TMEM233: variants seen among roughly 807,000 people sequenced by gnomAD.
The protein encoded by TMEM233 is dispanin subfamily B member 2.
In TMEM233, 6 loss-of-function variants were observed where a neutral mutation model predicts 11.2. The observed-to-expected ratio is 0.54, with a 90% CI of 0.29 to 1.06. The LOEUF is 1.06. Among genes scored for constraint, TMEM233 ranks in the 50% least tolerant of loss-of-function variants. The pLI, the probability that TMEM233 is intolerant of heterozygous loss-of-function variation, is 0.08. For missense variants in TMEM233, 127 were observed against 144.7 expected (o/e 0.88, Z 0.63); for synonymous variants, 59 against 55.8 (o/e 1.06, Z -0.26).
At chr12:119,638,352 A>AC (rs1438676871) in intron 2 of TMEM233, among the ~76,000 whole-genome samples, 1 of 152,154 alleles carries the variant, frequency 6.6e-6, no homozygotes, top group Admixed American at 6.5e-5. Context: ...AGTCCCAGCT[A>AC]CTTGGGAGGC....
intron 2 of TMEM233, chr12:119,631,134 T>C (rs1954873517): frequency 6.6e-6 from 1 of 152,290 alleles, no homozygotes; most frequent in African/African-American, 2.4e-5. Context: ...TCTTGCTGTG[T>C]AATTTCTGGT....
At chr12:119,640,052 C>T (rs948393166) in intron 2 of TMEM233, among the ~76,000 whole-genome samples, 2 of 152,212 alleles carry the variant, frequency 1.3e-5, no homozygotes, top group African/African-American at 4.8e-5. Context: ...AGAACTTACA[C>T]CAAACTGCTA....
chr12:119,624,139 C>T (rs2136751339), intron 1 of TMEM233, among the ~76,000 whole-genome samples: 1 of 151,838 alleles, frequency 6.6e-6, no homozygotes, highest in Non-Finnish European at 1.5e-5. Flanking sequence ...TGCTTGAGGT[C>T]AGGAGTTTGA....
At chr12:119,630,555 T>C (rs933828174) in intron 2 of TMEM233, among the ~76,000 whole-genome samples, 1 of 152,234 alleles carries the variant, frequency 6.6e-6, no homozygotes, top group African/African-American at 2.4e-5. Flanking sequence ...GGCGTGGCTG[T>C]GTTCCAATAA....
At chr12:119,637,047 G>A (rs1389761581) in intron 2 of TMEM233, among the ~76,000 whole-genome samples, 1 of 152,122 alleles carries the variant, frequency 6.6e-6, no homozygotes, top group Non-Finnish European at 1.5e-5. Flanking sequence ...CCACACTCTG[G>A]GCTCACATAG....
intron 2 of TMEM233, 22 bp downstream of exon 2, chr12:119,629,894 C>T: frequency 6.5e-7 from 1 of 1,545,116 alleles, no homozygotes; most frequent in Non-Finnish European, 8.7e-7. Context: ...TTTTGAATCC[C>T]TCCCCATGTC....
At chr12:119,621,147 A>C (rs1487501650) in intron 1 of TMEM233, among the ~76,000 whole-genome samples, 4 of 151,350 alleles carry the variant, frequency 2.6e-5, no homozygotes. Flanking sequence ...ACTGGGACTC[A>C]AGCAATCCTC....
intron 1 of TMEM233, among the ~76,000 whole-genome samples, chr12:119,613,642 T>A (rs1954458652): frequency 6.6e-6 from 1 of 151,682 alleles, no homozygotes; most frequent in African/African-American, 2.4e-5. Flanking sequence ...AGCAAGACCC[T>A]GTCTCTACCA....
downstream of TMEM233, among the ~76,000 whole-genome samples, chr12:119,645,686 TC>T (rs112747912): frequency 0.011 from 1,627 of 152,294 alleles, 31 homozygotes; most frequent in African/African-American, 0.037. Context: ...GAGTACCTGT[TC>T]CAAACCTCGG....
At chr12:119,615,192 A>AACAAAAAAC (rs1237507984) in intron 1 of TMEM233, among the ~76,000 whole-genome samples, 1 of 148,366 alleles carries the variant, frequency 6.7e-6, no homozygotes, top group African/African-American at 2.5e-5. Flanking sequence ...AAAAAAAAAA[A>AACAAAAAAC]AAAAAAAAAA....
intron 1 of TMEM233, among the ~76,000 whole-genome samples, chr12:119,607,302 A>T (rs930574648): frequency 6.6e-6 from 1 of 152,124 alleles, no homozygotes. Context: ...CTATTTCCTC[A>T]TCTGTAAATT....
At chr12:119,609,879 C>A (rs915389385) in intron 1 of TMEM233, among the ~76,000 whole-genome samples, 1 of 152,182 alleles carries the variant, frequency 6.6e-6, no homozygotes, top group East Asian at 1.9e-4. Flanking sequence ...GGGTCAGAGC[C>A]CCCCACAGAG....
chr12:119,646,468 C>T (rs191142659), downstream of TMEM233, among the ~76,000 whole-genome samples: 4 of 152,292 alleles, frequency 2.6e-5, no homozygotes, highest in African/African-American at 7.2e-5. Flanking sequence ...AAGTCTAAAA[C>T]GGGTCTTGCT....
intron 1 of TMEM233, among the ~76,000 whole-genome samples, chr12:119,626,521 A>AGG (rs1954764200): frequency 6.9e-5 from 4 of 58,096 alleles, no homozygotes; most frequent in Non-Finnish European, 1.1e-4. Flanking sequence ...GGAGGAGGAG[A>AGG]AGGGAGAAGG....
chr12:119,594,292 C>T lies in TMEM233; in HGVS notation c.186+258C>T. ...CCCCAGGCTAGCTTTCCTCTTCTTT[C>T]CAGCTCCCAGGGTGCGTTTCCTCTC... On this transcript the variant is annotated intron_variant, in intron 1 of 2. Transcript: ENST00000426426. This position sits in a 1 kb window ranked among gnomAD's most constrained non-coding sequence, Gnocchi z 5.6. 2.2e-6 allele frequency: 1 copy of T among 457,994 alleles called. No individual in the cohort carries two copies. Among genetic ancestry groups the T allele is most frequent in the Non-Finnish European group, 3.9e-6 (1 of 257,718 alleles). 28.4% of individuals were successfully genotyped at this position (457,994 alleles called of 1,614,324 possible). A position where few individuals can be genotyped will look rare whatever the true frequency, so the allele number is the denominator to read the frequency against.
At chr12:119,599,368 G>A (rs1166968662) in intron 1 of TMEM233, among the ~76,000 whole-genome samples, 3 of 152,116 alleles carry the variant, frequency 2.0e-5, no homozygotes, top group Non-Finnish European at 2.9e-5. Context: ...ATTTCACATT[G>A]CATGCCTGTA....
chr12:119,628,742 T>C (rs960439540), intron 1 of TMEM233, among the ~76,000 whole-genome samples: 1 of 148,810 alleles, frequency 6.7e-6, no homozygotes, highest in African/African-American at 2.5e-5. Flanking sequence ...CCTCGTGATC[T>C]GCCCATCTCA....
chr12:119,640,622 G>A, intron 2 of TMEM233, 77 bp from the exon 3 acceptor site: 1 of 1,468,200 alleles, frequency 6.8e-7, no homozygotes, highest in South Asian at 1.2e-5. Context: ...AAATAAGGAA[G>A]GCATCGAGCT....
At chr12:119,623,578 G>A (rs1448205388) in intron 1 of TMEM233, among the ~76,000 whole-genome samples, 1 of 150,362 alleles carries the variant, frequency 6.7e-6, no homozygotes, top group Non-Finnish European at 1.5e-5. Context: ...AAATTAGCTG[G>A]TTGTGGTGGT....
Sources: allele counts gnomAD v4.1 joint callset (sites outside exome capture counted in the v4.1 genomes callset), GRCh38; gene constraint gnomAD v4.1.1; non-coding constraint Gnocchi (gnomAD v3.1); transcripts MANE v1.5; gene names NCBI Gene and HGNC (gene_info 2026-07-23, HGNC 2026-07-21).